MET: variants seen among roughly 807,000 people sequenced by gnomAD.
MET encodes MET proto-oncogene, receptor tyrosine kinase, also known as hepatocyte growth factor receptor.
Under a neutral mutation model 133.1 loss-of-function variants are expected in MET, and 48 were observed. The observed-to-expected ratio is 0.36, with a 90% confidence interval of 0.29 to 0.46. The LOEUF (loss-of-function observed/expected upper bound fraction) is 0.46. Ranked by LOEUF, MET falls within the 20% of genes least tolerant of loss-of-function variation. The probability of loss-of-function intolerance (pLI) is 1.00; values close to 1 mark genes in which losing one functional copy is unlikely to be tolerated. For synonymous variants in MET, 628 were observed against 616.5 expected (o/e 1.02, Z -0.28); for missense variants, 1,442 against 1,695.9 (o/e 0.85, Z 2.63).
intron 1 of MET, among the ~76,000 whole-genome samples, chr7:116,693,409 T>C (rs1340011745): frequency 6.6e-6 from 1 of 152,140 alleles, no homozygotes; most frequent in South Asian, 2.1e-4. Flanking sequence ...GAGATGCACA[T>C]AGTAGGCTGT....
intron 19 of MET, among the ~76,000 whole-genome samples, chr7:116,794,960 G>T (rs1795624529): frequency 6.6e-6 from 1 of 152,296 alleles, no homozygotes; most frequent in Admixed American, 6.5e-5. Context: ...TCCCAGTGTG[G>T]ACTCAGATGT....
rs1220990290 is a variant in MET, at chr7:116,798,280, G to A, written c.*2156G>A. The A allele has an allele frequency of 1.5e-5, 3 of 205,598 alleles. No individual in the cohort carries two copies. The highest frequency in any genetic ancestry group is 6.8e-5 in the African/African-American group (3 of 43,832). 12.7% of individuals were successfully genotyped at this position (205,598 alleles called of 1,614,324 possible). On this transcript the variant is annotated 3_prime_UTR_variant, in exon 21 of 21. Coordinates refer to ENST00000397752, the MANE Select transcript of MET (RefSeq NM_000245.4). ...GAGTAAGTGATTCTTCTAAGAATTA[G>A]ATACTTGTCACTGCCTATACCTGCA... is the stretch of plus-strand genomic sequence containing the variant.
rs1584914185 is a variant in MET, at chr7:116,731,776, G to A, written c.1309G>A (p.Val437Ile). ...CTTATTCATGGGTCAATTCAGCGAA[G>A]TCCTCTTAACATCTATATCCACCTT... ...VDLFMGQFSE[V>I]LLTSISTFIK... is the part of the protein sequence containing the mutation. Residue 437 changes from valine to isoleucine, a missense_variant, in exon 3 of 21, where the codon GTC becomes ATC. Val to Ile is a conservative substitution (Grantham distance 29). This residue lies in a region of MET where 762 missense variants were observed against 792.4 expected (regional missense o/e 0.96). Coordinates refer to ENST00000397752, the MANE Select transcript of MET (RefSeq NM_000245.4). The A allele has an allele frequency of 1.2e-6, 2 of 1,614,148 alleles. No homozygotes were observed. The highest frequency in any genetic ancestry group is 1.7e-6 in the Non-Finnish European group (2 of 1,180,004).
At position 116,741,008 on chromosome 7, in the gene MET, C is replaced by G. The variant is rs1204728771; in HGVS notation, c.1684C>G (p.Leu562Val). Residue 562 changes from leucine (L) to valine (V), a missense_variant, in exon 5 of 21, where the codon CTG becomes GTG. Around this residue, in one of 6 missense-constraint regions of MET, gnomAD observed 762 missense variants for 792.4 expected, o/e 0.96. Coordinates refer to ENST00000397752, the MANE Select transcript of MET (RefSeq NM_000245.4). The stretch of plus-strand genomic sequence containing the variant: ...CGGGACATGGACTCAACAGATCTGT[C>G]TGCCTGCAATCTACAAGGTAGGAAT... ...LSGTWTQQICLPAIYKVFPNS... is the reference protein window; with the variant it reads ...LSGTWTQQICVPAIYKVFPNS... The G allele has an allele frequency of 6.2e-7, 1 of 1,612,778 alleles. No individual in the cohort carries two copies.
intron 11 of MET, 82 bp downstream of exon 11, chr7:116,763,350 C>A: frequency 7.9e-7 from 1 of 1,270,196 alleles, no homozygotes; most frequent in Non-Finnish European, 1.1e-6. Context: ...AATTGTTGTA[C>A]TTGGCCATTG....
intron 1 of MET, among the ~76,000 whole-genome samples, chr7:116,685,955 A>T (rs1796537496): frequency 1.3e-5 from 2 of 151,950 alleles, no homozygotes; most frequent in South Asian, 2.1e-4. Context: ...ATTCGGCCAC[A>T]TCTCCCCACT....
At chr7:116,791,733 T>C (rs1054064442) in intron 19 of MET, among the ~76,000 whole-genome samples, 5 of 152,186 alleles carry the variant, frequency 3.3e-5, no homozygotes, top group East Asian at 1.9e-4. Flanking sequence ...GGTGCAATCT[T>C]GGCTCACTGC....
intron 6 of MET, 80 bp downstream of exon 6, chr7:116,755,595 C>T (rs2116912032): frequency 6.5e-7 from 1 of 1,547,340 alleles, no homozygotes; most frequent in Non-Finnish European, 8.9e-7. Flanking sequence ...TTTAAAATTG[C>T]TCAAGAAGCT....
At chr7:116,763,524 T>C (rs185141870) in intron 11 of MET, among the ~76,000 whole-genome samples, 1 of 152,330 alleles carries the variant, frequency 6.6e-6, no homozygotes, top group East Asian at 1.9e-4. Flanking sequence ...AAATTATCCA[T>C]TAAAGAGGAT....
intron 1 of MET, among the ~76,000 whole-genome samples, chr7:116,683,745 C>G (rs181632403): frequency 6.6e-6 from 1 of 152,294 alleles, no homozygotes; most frequent in Non-Finnish European, 1.5e-5. Flanking sequence ...TCCCTTTTGA[C>G]CCGTCTGTAG....
chr7:116,695,796 T>C (rs1391680687), intron 1 of MET: 6 of 491,434 alleles, frequency 1.2e-5, no homozygotes, highest in Admixed American at 7.0e-5. Flanking sequence ...ATGCTTCCCA[T>C]ATGGTAAGCA....
At chr7:116,742,374 A>G (rs1171302198) in intron 5 of MET, among the ~76,000 whole-genome samples, 1 of 152,232 alleles carries the variant, frequency 6.6e-6, no homozygotes, top group East Asian at 1.9e-4. Context: ...TTTGTTGTTC[A>G]GTATACTTTT....
intron 5 of MET, among the ~76,000 whole-genome samples, chr7:116,745,160 G>T (rs1793619077): frequency 6.6e-6 from 1 of 152,122 alleles, no homozygotes; most frequent in African/African-American, 2.4e-5. Context: ...GCCAAATCAT[G>T]AGTGAACTCC....
At chr7:116,757,011 C>T (rs1040142298) in intron 6 of MET, among the ~76,000 whole-genome samples, 2 of 151,928 alleles carry the variant, frequency 1.3e-5, no homozygotes, top group African/African-American at 4.8e-5. Flanking sequence ...GGAGGATCAC[C>T]TGAGCCCAGG....
At chr7:116,765,226 G>A (rs1475504718) in intron 11 of MET, among the ~76,000 whole-genome samples, 2 of 141,128 alleles carry the variant, frequency 1.4e-5, no homozygotes, top group African/African-American at 5.4e-5. Context: ...CCTGAGTCCT[G>A]AAGGCGGAGG....
intron 2 of MET, among the ~76,000 whole-genome samples, chr7:116,716,467 G>GAGAA (rs531059164): frequency 0.081 from 8,777 of 108,092 alleles, 651 homozygotes; most frequent in East Asian, 0.096. Flanking sequence ...AAGAAAGAAA[G>GAGAA]AGAAAGAAAG....
chr7:116,727,798 C>T (rs1375557409), intron 2 of MET, among the ~76,000 whole-genome samples: 9 of 152,182 alleles, frequency 5.9e-5, no homozygotes, highest in Admixed American at 5.2e-4. Context: ...AAAGCAACCC[C>T]GTCTTTTCCA....
At position 116,797,068 on chromosome 7, in the gene MET, A is replaced by G. The variant is rs565768785; in HGVS notation, c.*944A>G. The G allele has an allele frequency of 5.9e-4, 113 of 190,758 alleles. No homozygotes were observed. Among genetic ancestry groups the G allele is most frequent in the African/African-American group, 2.4e-3 (105 of 43,082 alleles). 11.8% of individuals were successfully genotyped at this position (190,758 alleles called of 1,614,324 possible). A position where few individuals can be genotyped will look rare whatever the true frequency, so the allele number is the denominator to read the frequency against. ...GACATTAAGAAAATTTGTATGAAATAATTTAGTCATCATGAAATATTTAGT... is the reference window on the plus strand; with the variant it reads ...GACATTAAGAAAATTTGTATGAAATGATTTAGTCATCATGAAATATTTAGT... On this transcript the variant is annotated 3_prime_UTR_variant, in exon 21 of 21. Transcript: ENST00000397752.
chr7:116,761,672 G>A (rs1794401421), intron 10 of MET, among the ~76,000 whole-genome samples: 2 of 151,914 alleles, frequency 1.3e-5, no homozygotes, highest in African/African-American at 2.4e-5. Context: ...TTCTTGTTAT[G>A]TAAACAATTA....
Sources: gnomAD v4.1 joint callset for allele counts (sites outside exome capture counted in the v4.1 genomes callset) on GRCh38, gnomAD v4.1.1 for gene constraint, gnomAD v4.1.1 regional missense constraint, MANE v1.5 for transcripts, NCBI Gene and HGNC (gene_info 2026-07-23, HGNC 2026-07-21) for gene names.